The following SLC37A1 variants were observed in gnomAD, a reference collection of about 807,000 sequenced individuals.
SLC37A1 encodes solute carrier family 37 member 1.
In SLC37A1, 49 loss-of-function variants were observed where a neutral mutation model predicts 75.3. That is an observed-to-expected ratio of 0.65 (90% CI 0.52 to 0.83). The LOEUF (loss-of-function observed/expected upper bound fraction) is 0.83, where lower values mean the gene tolerates loss of function less well. SLC37A1 is among the 40% of genes least tolerant of loss of function. The pLI is 0.00. For missense variants in SLC37A1, 566 were observed against 695.0 expected (o/e 0.81, Z 2.09); for synonymous variants, 268 against 292.1 (o/e 0.92, Z 0.84).
At chr21:42,565,769 C>G in intron 14 of SLC37A1, 58 bp from the exon 15 acceptor site, 1 of 1,487,684 alleles carries the variant, frequency 6.7e-7, no homozygotes, top group Non-Finnish European at 9.3e-7. Flanking sequence ...AGATTTCCAG[C>G]AATCTCGCAC....
intron 17 of SLC37A1, among the ~76,000 whole-genome samples, 200 bp from the exon 18 acceptor site, chr21:42,574,618 A>C (rs1179132631): frequency 6.6e-6 from 1 of 152,170 alleles, no homozygotes; most frequent in African/African-American, 2.4e-5. Context: ...TTTGGATTTC[A>C]GGTTTTCAGA....
chr21:42,540,687 A>T (rs1466245641), intron 6 of SLC37A1, among the ~76,000 whole-genome samples: 1 of 152,184 alleles, frequency 6.6e-6, no homozygotes, highest in Non-Finnish European at 1.5e-5. Flanking sequence ...CTGCTGAAAT[A>T]ATGATGCTCA....
chr21:42,525,920 T>C, intron 3 of SLC37A1, 63 bp downstream of exon 3: 2 of 1,265,458 alleles, frequency 1.6e-6, no homozygotes, highest in Non-Finnish European at 2.3e-6. Context: ...GAAAAGCTTG[T>C]GGGGCAGAGG....
intron 11 of SLC37A1, 40 bp downstream of exon 11, chr21:42,559,129 C>A: frequency 6.3e-7 from 1 of 1,586,322 alleles, no homozygotes; most frequent in Non-Finnish European, 8.6e-7. Flanking sequence ...GAAAGGGCTG[C>A]TGTGCTGGCT....
In SLC37A1 at chr21:42,505,802, A is replaced by G. The variant is rs73374140; in HGVS notation, c.-179+3385A>G. On this transcript the variant is annotated intron_variant, in intron 2 of 20. Transcript: ENST00000398341. ...GAAAATTTCTGATTTCTGACAGGTTAAGGATTTAGGGGAATTTTTAAGTTA... is the reference window on the plus strand; with the variant it reads ...GAAAATTTCTGATTTCTGACAGGTTGAGGATTTAGGGGAATTTTTAAGTTA... Among the ~76,000 whole-genome samples the G allele has an allele frequency of 7.1e-3, 1,074 of 152,324 alleles. 13 individuals carry two copies. The highest frequency in any genetic ancestry group is 0.024 in the African/African-American group (1,009 of 41,560).
At chr21:42,534,600 G>C in intron 3 of SLC37A1, 98 bp from the exon 4 acceptor site, 3 of 1,453,882 alleles carry the variant, frequency 2.1e-6, no homozygotes, top group Non-Finnish European at 2.8e-6. Flanking sequence ...TGGGCAGGCT[G>C]CTGGGAGAGG....
At chr21:42,518,640 G>A (rs2054571029) in intron 2 of SLC37A1, 130 bp downstream of exon 2, 25 of 1,046,016 alleles carry the variant, frequency 2.4e-5, no homozygotes, top group Admixed American at 4.1e-5. Flanking sequence ...ACCCATAACC[G>A]TTGAATTGCT....
chr21:42,515,429 A>T (rs914954623), intron 1 of SLC37A1, among the ~76,000 whole-genome samples: 3 of 152,182 alleles, frequency 2.0e-5, no homozygotes, highest in Non-Finnish European at 4.4e-5. Flanking sequence ...ATTATGTGTA[A>T]TGCCACCTCA....
At position 42,514,709 on chromosome 21, in the gene SLC37A1, A is replaced by G. The variant is rs1332893839; in HGVS notation, c.-187A>G. ...TACGGCCCACGCCGTAATCCTGGTG[A>G]CCGAGAAGGTACGTTCAGTCTAAGG... On this transcript the variant is annotated 5_prime_UTR_variant, in exon 1 of 20. Transcript: ENST00000352133. This position sits in a 1 kb window ranked among gnomAD's most constrained non-coding sequence, Gnocchi z 4.8. 1.3e-5 allele frequency: 2 copies of G among 152,236 alleles called. No individual in the cohort carries two copies. The highest frequency in any genetic ancestry group is 4.8e-5 in the African/African-American group (2 of 41,428). The allele number at this position is 152,236 out of a possible 1,614,324, so 9.4% of individuals were successfully genotyped here. A position where few individuals can be genotyped will look rare whatever the true frequency, so the allele number is the denominator to read the frequency against.
chr21:42,545,896 G>A lies in SLC37A1; in HGVS notation c.731-1207G>A, dbSNP rs2055396405. On this transcript the variant is annotated intron_variant, in intron 8 of 19. Transcript: ENST00000352133. The surrounding 1 kb of genome is among the most constrained non-coding windows in gnomAD (Gnocchi z 4.0). The stretch of plus-strand genomic sequence containing the variant: ...CACAGCCAGCCACGGACCTCTGGGT[G>A]CAGACCCACCTGGCCCTACGGCATG... Among the ~76,000 whole-genome samples, 2 of 152,284 alleles carry A rather than the reference G, an allele frequency of 1.3e-5. No individual in the cohort carries two copies. Among genetic ancestry groups the A allele is most frequent in the East Asian group, 1.9e-4 (1 of 5,204 alleles).
At chr21:42,504,603 G>C (rs2054367720) in intron 2 of SLC37A1, among the ~76,000 whole-genome samples, 1 of 152,130 alleles carries the variant, frequency 6.6e-6, no homozygotes, top group Non-Finnish European at 1.5e-5. Flanking sequence ...TCATTAGCCT[G>C]CCTGTGCCCA....
At chr21:42,536,283 C>A (rs2055135910) in intron 5 of SLC37A1, among the ~76,000 whole-genome samples, 1 of 152,210 alleles carries the variant, frequency 6.6e-6, no homozygotes. Flanking sequence ...AATAATAGTT[C>A]TTATGTCATA....
rs1850940303 is a variant in SLC37A1, at chr21:42,548,841, C to T, written c.768+1701C>T. Among the ~76,000 whole-genome samples, 7 of 152,326 alleles carry T rather than the reference C, an allele frequency of 4.6e-5. No individual in the cohort carries two copies. In the South Asian group the frequency reaches 1.5e-3, roughly 32 times the overall value. The stretch of plus-strand genomic sequence containing the variant: ...GGCCTGGATCATCACTGGGTCCCGG[C>T]ACCTGGGGCAGCACCTGGCCTCGTG... On this transcript the variant is annotated intron_variant, in intron 9 of 19. Transcript: ENST00000352133. This position sits in a 1 kb window ranked among gnomAD's most constrained non-coding sequence, Gnocchi z 5.6.
chr21:42,559,893 C>T (rs1840499893), intron 11 of SLC37A1, among the ~76,000 whole-genome samples: 1 of 140,150 alleles, frequency 7.1e-6, no homozygotes, highest in Non-Finnish European at 1.5e-5. Flanking sequence ...AAAAAAAACC[C>T]AAAAAGTGCC....
Position 42,564,800 on chromosome 21 carries a change from CGTGCT to C in SLC37A1, c.1221+9_1221+13del. The C allele has an allele frequency of 6.2e-7, 1 of 1,602,882 alleles. No homozygotes were observed. Among genetic ancestry groups the C allele is most frequent in the Non-Finnish European group, 8.5e-7 (1 of 1,179,648 alleles). On this transcript the variant is annotated splice_region_variant and intron_variant, in intron 14 of 19. Coordinates refer to ENST00000352133, the MANE Select transcript of SLC37A1 (RefSeq NM_001320537.2). ...GCTGCTCGCGGCCCCCACGGTCAGC[CGTGCT>C]GCCTTCCCTGGGCCCCAAAGCCTGC...
intron 1 of SLC37A1, among the ~76,000 whole-genome samples, chr21:42,500,731 T>C (rs1185788561): frequency 6.6e-6 from 1 of 152,202 alleles, no homozygotes; most frequent in African/African-American, 2.4e-5. Flanking sequence ...GTTTTAATGC[T>C]CATATTCATT....
At chr21:42,537,950 C>T (rs1040437568) in intron 5 of SLC37A1, among the ~76,000 whole-genome samples, 2 of 152,172 alleles carry the variant, frequency 1.3e-5, no homozygotes, top group African/African-American at 4.8e-5. Flanking sequence ...AGCCATTCAG[C>T]CCAGGTACTG....
At position 42,534,708 on chromosome 21, in the gene SLC37A1, A is replaced by G. The variant is rs139705348; in HGVS notation, c.149A>G (p.His50Arg). The change falls in exon 4 of 20, where the codon CAC becomes CGC. Residue 50 changes from histidine to arginine, a missense_variant. Physicochemically the swap from His to Arg is conservative, Grantham distance 29 (BLOSUM62 0). Coordinates refer to ENST00000352133, the MANE Select transcript of SLC37A1 (RefSeq NM_001320537.2). ...KPISIVKGEL[H>R]KYCTAWDEAD... ...CCCATCACGTCCCAGGGTGAGCTCC[A>G]CAAGTACTGCACTGCTTGGGATGAA... 3.1e-6 allele frequency: 5 copies of G among 1,612,508 alleles called. No homozygotes were observed. Among genetic ancestry groups the G allele is most frequent in the Non-Finnish European group, 4.2e-6 (5 of 1,179,220 alleles).
intron 18 of SLC37A1, among the ~76,000 whole-genome samples, chr21:42,579,105 G>A (rs1422892406): frequency 2.0e-5 from 3 of 152,244 alleles, no homozygotes; most frequent in Admixed American, 6.5e-5. Flanking sequence ...GTAGGCTGGC[G>A]TTGAGCCCTC....
Sources: gnomAD v4.1 joint callset for allele counts (sites outside exome capture counted in the v4.1 genomes callset) on GRCh38, gnomAD v4.1.1 for gene constraint, Gnocchi (gnomAD v3.1) non-coding constraint, MANE v1.5 for transcripts, NCBI Gene and HGNC (gene_info 2026-07-23, HGNC 2026-07-21) for gene names.